Variants in ANKRD30A observed in about 807,000 individuals in gnomAD.
ANKRD30A encodes ankyrin repeat domain 30A, also known as ankyrin repeat domain-containing protein 30A.
In ANKRD30A, 170 loss-of-function variants were observed where a neutral mutation model predicts 166.3. The observed-to-expected ratio is 1.02, with a 90% CI of 0.90 to 1.16. The LOEUF (loss-of-function observed/expected upper bound fraction) is 1.16. Ranked by LOEUF, ANKRD30A falls within the 50% of genes most tolerant of loss-of-function variation. The pLI, the probability that ANKRD30A is intolerant of heterozygous loss-of-function variation, is 0.00. For missense variants in ANKRD30A, 1,630 were observed against 1,518.0 expected (o/e 1.07, Z -1.23); for synonymous variants, 564 against 508.9 (o/e 1.11, Z -1.46).
chr10:37,222,259 C>G (rs1454890479), intron 34 of ANKRD30A, among the ~76,000 whole-genome samples: 1 of 151,264 alleles, frequency 6.6e-6, no homozygotes, highest in African/African-American at 2.4e-5. Context: ...CCGCCCACCT[C>G]CATGTTTCTT....
chr10:37,228,971 T>C (rs780562161), intron 34 of ANKRD30A, among the ~76,000 whole-genome samples: 2 of 152,004 alleles, frequency 1.3e-5, no homozygotes, highest in Non-Finnish European at 2.9e-5. Context: ...CCAGGACAGC[T>C]TGTCACTGTT....
intron 31 of ANKRD30A, among the ~76,000 whole-genome samples, chr10:37,206,012 C>A (rs1373392235): frequency 6.6e-6 from 1 of 151,940 alleles, no homozygotes; most frequent in Non-Finnish European, 1.5e-5. Context: ...TGTTTTTAGC[C>A]AGAAGAGGAG....
the ANKRD30A span, among the ~76,000 whole-genome samples, chr10:37,249,393 A>G: frequency 6.6e-6 from 1 of 152,022 alleles, no homozygotes; most frequent in Non-Finnish European, 1.5e-5. Context: ...TTCTAAGGCC[A>G]TTTGAGGTGG....
chr10:37,195,854 A>T (rs1397377288), intron 27 of ANKRD30A, among the ~76,000 whole-genome samples: 4 of 151,094 alleles, frequency 2.6e-5, no homozygotes, highest in Non-Finnish European at 5.9e-5. Context: ...TGATGGGAAA[A>T]ATTGGAAGAA....
chr10:37,216,078 A>G (rs1588943420), intron 31 of ANKRD30A, 103 bp from the exon 32 acceptor site: 2 of 730,888 alleles, frequency 2.7e-6, no homozygotes, highest in East Asian at 5.8e-5. Flanking sequence ...GTGGTAGGCA[A>G]TCAATATATA....
chr10:37,194,555 T>C (rs774259877), intron 27 of ANKRD30A, among the ~76,000 whole-genome samples: 8 of 152,020 alleles, frequency 5.3e-5, no homozygotes, highest in Non-Finnish European at 1.0e-4. Flanking sequence ...TTAGCCAGGA[T>C]GGTCTGATCC....
At position 37,160,313 on chromosome 10, in the gene ANKRD30A, C is replaced by A. The variant is rs528727353; in HGVS notation, c.1900+1727C>A. 1.4e-3 allele frequency among the ~76,000 whole-genome samples: 211 copies of A among 152,174 alleles called. 1 individual carries two copies. The highest frequency in any genetic ancestry group is 5.0e-3 in the African/African-American group (206 of 41,494). Reference sequence around the variant, plus strand: ...ATTGGAAAAGTCCTACTTTTCAATACGCATTACAACTGTTACTCATTAACC... The same window carrying A: ...ATTGGAAAAGTCCTACTTTTCAATAAGCATTACAACTGTTACTCATTAACC... On this transcript the variant is annotated intron_variant, in intron 15 of 35. Transcript: ENST00000361713.
At chr10:37,208,768 G>C (rs896917164) in intron 31 of ANKRD30A, among the ~76,000 whole-genome samples, 1 of 152,084 alleles carries the variant, frequency 6.6e-6, no homozygotes, top group Admixed American at 6.6e-5. Flanking sequence ...CCTCCAAGGT[G>C]ATAACATGTC....
chr10:37,150,729 A>G (rs1309136017), intron 11 of ANKRD30A, among the ~76,000 whole-genome samples: 2 of 152,144 alleles, frequency 1.3e-5, no homozygotes, highest in Non-Finnish European at 2.9e-5. Flanking sequence ...GTATGACAGT[A>G]CCATAGTTAA....
chr10:37,250,811 G>C, the ANKRD30A span, among the ~76,000 whole-genome samples: 1 of 151,038 alleles, frequency 6.6e-6, no homozygotes, highest in Non-Finnish European at 1.5e-5. Flanking sequence ...AGATCTTTAA[G>C]AAATTAATTC....
At chr10:37,218,871 A>T (rs1334499107) in intron 33 of ANKRD30A, 109 bp from the exon 34 acceptor site, 1 of 751,760 alleles carries the variant, frequency 1.3e-6, no homozygotes, top group African/African-American at 1.8e-5. Flanking sequence ...ATACCTACTT[A>T]TAAAAACCCT....
downstream of ANKRD30A, among the ~76,000 whole-genome samples, chr10:37,237,109 C>A (rs1159736418): frequency 3.9e-5 from 6 of 152,190 alleles, no homozygotes; most frequent in Non-Finnish European, 8.8e-5. Flanking sequence ...CATATGCATG[C>A]ATTTTCTCTG....
chr10:37,232,493 AC>A lies in ANKRD30A; in HGVS notation c.*212-3del, dbSNP rs1843457492. Reference sequence around the variant, plus strand: ...ACACATAAGCCATTATCTTCTTTCTACCCAGAATTGCATAAAGCTGCACAGG... The same window carrying A: ...ACACATAAGCCATTATCTTCTTTCTACCAGAATTGCATAAAGCTGCACAGG... On this transcript the variant is annotated splice_region_variant and splice_polypyrimidine_tract_variant and intron_variant, in intron 35 of 35. Coordinates refer to ENST00000361713, the MANE Select transcript of ANKRD30A (RefSeq NM_052997.3). 6.7e-6 allele frequency: 1 copy of A among 150,222 alleles called. No individual in the cohort carries two copies. Among genetic ancestry groups the A allele is most frequent in the Admixed American group, 6.7e-5 (1 of 14,986 alleles). The allele number at this position is 150,222 out of a possible 1,614,324, so 9.3% of individuals were successfully genotyped here.
chr10:37,249,179 G>C, the ANKRD30A span, among the ~76,000 whole-genome samples: 3 of 152,190 alleles, frequency 2.0e-5, no homozygotes, highest in African/African-American at 7.2e-5. Context: ...CTTCACAGCT[G>C]CTTTCTTCTG....
chr10:37,209,396 T>A (rs947829283), intron 31 of ANKRD30A, among the ~76,000 whole-genome samples: 1 of 152,084 alleles, frequency 6.6e-6, no homozygotes, highest in Non-Finnish European at 1.5e-5. Flanking sequence ...AGGAAGAACT[T>A]GCACATCACA....
chr10:37,196,621 T>C (rs1841141854), intron 27 of ANKRD30A, among the ~76,000 whole-genome samples: 1 of 152,136 alleles, frequency 6.6e-6, no homozygotes, highest in African/African-American at 2.4e-5. Context: ...TTGCAATAAA[T>C]TTTTATAGAA....
intron 25 of ANKRD30A, among the ~76,000 whole-genome samples, chr10:37,191,313 T>G (rs1199609242): frequency 6.6e-6 from 1 of 152,002 alleles, no homozygotes; most frequent in Non-Finnish European, 1.5e-5. Flanking sequence ...GCTCTAAATA[T>G]ATATCCAAGC....
intron 1 of ANKRD30A, among the ~76,000 whole-genome samples, chr10:37,126,852 A>T (rs1047787598): frequency 5.9e-5 from 9 of 152,072 alleles, no homozygotes; most frequent in African/African-American, 2.2e-4. Flanking sequence ...GTTCAAGATC[A>T]GCCTGGCCAA....
chr10:37,182,933 C>T (rs1438285875), intron 24 of ANKRD30A, among the ~76,000 whole-genome samples: 2 of 151,316 alleles, frequency 1.3e-5, no homozygotes, highest in African/African-American at 4.8e-5. Flanking sequence ...GTACACTGTA[C>T]ATATTGTCCT....
Sources: allele counts gnomAD v4.1 joint callset (sites outside exome capture counted in the v4.1 genomes callset), GRCh38; gene constraint gnomAD v4.1.1; transcripts MANE v1.5; gene names NCBI Gene and HGNC (gene_info 2026-07-23, HGNC 2026-07-21).